SGSM1: variants seen among roughly 807,000 people sequenced by gnomAD.
SGSM1 encodes RUN and TBC1 domain containing 2.
Under a neutral mutation model 133.8 loss-of-function variants are expected in SGSM1, and 73 were observed. That is an observed-to-expected ratio of 0.55 (90% CI 0.45 to 0.66). SGSM1 has a LOEUF of 0.66. Among genes scored for constraint, SGSM1 ranks in the 30% least tolerant of loss-of-function variants. SGSM1 has a pLI of 0.00. For missense variants in SGSM1, 1,213 were observed against 1,448.1 expected (o/e 0.84, Z 2.64); for synonymous variants, 563 against 573.0 (o/e 0.98, Z 0.25).
chr22:24,915,205 G>C (rs1569178477), intron 22 of SGSM1, among the ~76,000 whole-genome samples: 1 of 151,166 alleles, frequency 6.6e-6, no homozygotes, highest in African/African-American at 2.5e-5. Flanking sequence ...CTCCAGCCTG[G>C]GCGACAGAGC....
At chr22:24,826,120 G>A (rs1357701162) in intron 2 of SGSM1, among the ~76,000 whole-genome samples, 2 of 152,220 alleles carry the variant, frequency 1.3e-5, no homozygotes, top group African/African-American at 2.4e-5. Context: ...GATTGTATGT[G>A]CCTGAAAATA....
rs1934208739 is a variant in SGSM1, at chr22:24,926,446, A to C, written c.*2172A>C. On this transcript the variant is annotated 3_prime_UTR_variant, in exon 25 of 25. Coordinates refer to ENST00000400358, the MANE Select transcript of SGSM1 (RefSeq NM_001098497.3). ...CTTCCCAAGACAGGAAGAAATGTGC[A>C]AAAGGCCCCTCCGGAGAAAACTATT... is the stretch of plus-strand genomic sequence containing the variant. 1 of 148,132 alleles carries C rather than the reference A, an allele frequency of 6.8e-6. No individual in the cohort carries two copies. The highest frequency in any genetic ancestry group is 1.5e-5 in the Non-Finnish European group (1 of 66,474). The allele number at this position is 148,132 out of a possible 1,614,324, so 9.2% of individuals were successfully genotyped here. A position where few individuals can be genotyped will look rare whatever the true frequency, so the allele number is the denominator to read the frequency against.
chr22:24,883,022 G>A (rs558834949), intron 14 of SGSM1, among the ~76,000 whole-genome samples: 13 of 151,338 alleles, frequency 8.6e-5, no homozygotes, highest in African/African-American at 2.9e-4. Flanking sequence ...CTCAGCCTCC[G>A]GAGTAGCTGG....
chr22:24,909,288 A>C (rs1486746373), intron 21 of SGSM1, among the ~76,000 whole-genome samples: 1 of 152,294 alleles, frequency 6.6e-6, no homozygotes, highest in East Asian at 1.9e-4. Context: ...CTCATTAGGA[A>C]AATGGAAATC....
rs148290887 is a variant in SGSM1, at chr22:24,866,270, C to A, written c.927-823C>A. ...TTCAAATACTTGATTCTATTTAATT[C>A]TCACAGCAACACAATGGGGTGGGTG... On this transcript the variant is annotated intron_variant, in intron 9 of 24. Coordinates refer to ENST00000400358, the MANE Select transcript of SGSM1 (RefSeq NM_001098497.3). 7.8e-4 allele frequency among the ~76,000 whole-genome samples: 119 copies of A among 152,282 alleles called. 4 individuals carry two copies. In the East Asian group the frequency reaches 0.021, roughly 27 times the overall value.
chr22:24,899,455 T>G (rs1443046750), intron 19 of SGSM1, among the ~76,000 whole-genome samples: 1 of 151,934 alleles, frequency 6.6e-6, no homozygotes. Flanking sequence ...TCTTTCTTAG[T>G]CTACTCTCTT....
intron 2 of SGSM1, among the ~76,000 whole-genome samples, chr22:24,830,541 A>C (rs893360153): frequency 6.6e-6 from 1 of 152,186 alleles, no homozygotes; most frequent in Non-Finnish European, 1.5e-5. Context: ...GTTAAGGCAA[A>C]TTTAATAAAG....
At chr22:24,884,367 T>C (rs1484801724) in intron 15 of SGSM1, among the ~76,000 whole-genome samples, 169 bp downstream of exon 15, 1 of 152,192 alleles carries the variant, frequency 6.6e-6, no homozygotes, top group Non-Finnish European at 1.5e-5. Context: ...GACCTACAGC[T>C]CACTTCTGCC....
chr22:24,879,583 T>C (rs375679975), intron 14 of SGSM1, 57 bp downstream of exon 14: 3 of 1,526,310 alleles, frequency 2.0e-6, no homozygotes, highest in Non-Finnish European at 2.7e-6. Context: ...TGGTGCCTGC[T>C]GTATGCCAGC....
chr22:24,830,362 C>T (rs1270768941), intron 2 of SGSM1, among the ~76,000 whole-genome samples: 7 of 152,156 alleles, frequency 4.6e-5, no homozygotes, highest in Non-Finnish European at 8.8e-5. Context: ...AGGTTGCAGC[C>T]AGCTTCCTGG....
chr22:24,811,690 AC>A (rs1927750493), intron 2 of SGSM1, among the ~76,000 whole-genome samples: 1 of 151,668 alleles, frequency 6.6e-6, no homozygotes, highest in African/African-American at 2.4e-5. Context: ...ACATAGCAAG[AC>A]CCCCATCTCT....
At chr22:24,893,324 C>A in intron 16 of SGSM1, 107 bp from the exon 17 acceptor site, 1 of 1,178,734 alleles carries the variant, frequency 8.5e-7, no homozygotes, top group African/African-American at 1.5e-5. Flanking sequence ...TGGATGTTAA[C>A]TGCGTGAATG....
At chr22:24,845,959 T>TTCTTTCTTTCTTTCTC (rs1569144716) in intron 3 of SGSM1, among the ~76,000 whole-genome samples, 35 of 105,036 alleles carry the variant, frequency 3.3e-4, no homozygotes, top group African/African-American at 1.1e-3. Context: ...CTTTCTTTCT[T>TTCTTTCTTTCTTTCTC]TCTTTCTTTC....
intron 19 of SGSM1, among the ~76,000 whole-genome samples, chr22:24,899,828 C>CT (rs1447945565): frequency 2.6e-5 from 4 of 151,928 alleles, no homozygotes; most frequent in Admixed American, 6.6e-5. Context: ...GCTTGCTTCT[C>CT]TTTTTTATCA....
In SGSM1 at chr22:24,855,410, A is replaced by C; in HGVS notation, c.649A>C (p.Thr217Pro). 1.2e-6 allele frequency: 2 copies of C among 1,613,458 alleles called. No homozygotes were observed. Among genetic ancestry groups the C allele is most frequent in the Non-Finnish European group, 1.7e-6 (2 of 1,179,782 alleles). The change falls in exon 7 of 25, where the codon ACC becomes CCC. Residue 217 changes from threonine to proline, a missense_variant. Transcript: ENST00000400358. ...CTCCCACGTGCGGCAGGACTCGCCC[A>C]CCAAGCGTCCTGCCCTCTGTGTGAG... is the stretch of plus-strand genomic sequence containing the variant. ...HSSHVRQDSP[T>P]KRPALCIQKR...
At chr22:24,849,913 G>A (rs1284503521) in intron 4 of SGSM1, among the ~76,000 whole-genome samples, 1 of 152,190 alleles carries the variant, frequency 6.6e-6, no homozygotes, top group East Asian at 1.9e-4. Flanking sequence ...GTGGGACAAG[G>A]TCTTGGAGCT....
chr22:24,891,410 A>G (rs1205867466), intron 16 of SGSM1, among the ~76,000 whole-genome samples: 1 of 152,142 alleles, frequency 6.6e-6, no homozygotes, highest in Non-Finnish European at 1.5e-5. Flanking sequence ...GAAGTGTGGG[A>G]AGCATAGGAG....
rs146329430 is a variant in SGSM1, at chr22:24,903,121, G to A, written c.2735+1164G>A. On this transcript the variant is annotated intron_variant, in intron 20 of 24. Transcript: ENST00000400358. ...GAAACTTCTCCCTTCATCTCTGCCC[G>A]GCAGTGCCACTCACCCAGAATTAAT... Among the ~76,000 whole-genome samples, 154 of 152,134 alleles carry A rather than the reference G, an allele frequency of 1.0e-3. 2 individuals are homozygous for A. The East Asian group carries it at 0.024, about 24-fold the overall frequency.
chr22:24,821,952 C>T (rs552279442), intron 2 of SGSM1, among the ~76,000 whole-genome samples: 2 of 152,154 alleles, frequency 1.3e-5, no homozygotes, highest in East Asian at 1.9e-4. Context: ...CAGTTGACAT[C>T]GGGGTTCACT....
Sources: gnomAD v4.1 joint callset for allele counts (sites outside exome capture counted in the v4.1 genomes callset) on GRCh38, gnomAD v4.1.1 for gene constraint, MANE v1.5 for transcripts, NCBI Gene and HGNC (gene_info 2026-07-23, HGNC 2026-07-21) for gene names.